SFRP1: variants seen among roughly 807,000 people sequenced by gnomAD.
SFRP1 encodes the protein secreted frizzled-related protein 1.
In SFRP1, 9 loss-of-function variants were observed where a neutral mutation model predicts 25.9. The ratio of observed to expected loss-of-function variants is 0.35; its 90% CI spans 0.21 to 0.61. The LOEUF is 0.61. Ranked by LOEUF, SFRP1 falls within the 20% of genes least tolerant of loss-of-function variation. The pLI, the probability that SFRP1 is intolerant of heterozygous loss-of-function variation, is 0.78. For missense variants in SFRP1, 346 were observed against 418.2 expected (o/e 0.83, Z 1.51); for synonymous variants, 178 against 174.0 (o/e 1.02, Z -0.18).
Position 41,280,852 on chromosome 8 carries a change from T to C in SFRP1, c.623-15363A>G, listed in dbSNP as rs186745193. Among the ~76,000 whole-genome samples, 57 of 152,274 alleles carry C rather than the reference T, an allele frequency of 3.7e-4. No individual in the cohort carries two copies. The East Asian group carries it at 0.011, about 28-fold the overall frequency. ...GCAGGAACGGGTGCTCGGCCCACATTCTGGAGCGCCTGCCCCAACTCCCAG... is the reference window on the plus strand; with the variant it reads ...GCAGGAACGGGTGCTCGGCCCACATCCTGGAGCGCCTGCCCCAACTCCCAG... On this transcript the variant is annotated intron_variant, in intron 2 of 2. Transcript: ENST00000220772.
At chr8:41,306,484 C>A (rs953437917) in intron 1 of SFRP1, among the ~76,000 whole-genome samples, 1 of 137,134 alleles carries the variant, frequency 7.3e-6, no homozygotes, top group Non-Finnish European at 1.5e-5. Flanking sequence ...CACACCTACA[C>A]ACACACACAC....
intron 2 of SFRP1, among the ~76,000 whole-genome samples, chr8:41,298,812 A>T (rs532308215): frequency 1.3e-4 from 20 of 152,320 alleles, no homozygotes; most frequent in South Asian, 4.1e-4. Context: ...CATTAAAAAA[A>T]TTTTAAGTGG....
chr8:41,306,136 A>G (rs999528129), intron 1 of SFRP1, among the ~76,000 whole-genome samples: 1 of 151,946 alleles, frequency 6.6e-6, no homozygotes, highest in Non-Finnish European at 1.5e-5. Flanking sequence ...CTTCCCTAAC[A>G]GGAGCTTCTA....
intron 2 of SFRP1, among the ~76,000 whole-genome samples, chr8:41,292,720 C>T (rs1803793263): frequency 6.6e-6 from 1 of 152,200 alleles, no homozygotes. Flanking sequence ...AGATGTGGTA[C>T]AGACTAAGCA....
chr8:41,288,002 G>A (rs1261608018), intron 2 of SFRP1, among the ~76,000 whole-genome samples: 1 of 152,064 alleles, frequency 6.6e-6, no homozygotes, highest in East Asian at 1.9e-4. Context: ...AGGATAACTT[G>A]AGGCCAGGAG....
At position 41,264,206 on chromosome 8, in the gene SFRP1, T is replaced by C. The variant is rs1468135439; in HGVS notation, c.*961A>G. 2 of 152,266 alleles carry C rather than the reference T, an allele frequency of 1.3e-5. No individual in the cohort carries two copies. Among genetic ancestry groups the C allele is most frequent in the African/African-American group, 4.8e-5 (2 of 41,472 alleles). The allele number at this position is 152,266 out of a possible 1,614,324, so 9.4% of individuals were successfully genotyped here. A position where few individuals can be genotyped will look rare whatever the true frequency, so the allele number is the denominator to read the frequency against. On this transcript the variant is annotated 3_prime_UTR_variant, in exon 3 of 3. Transcript: ENST00000220772. ...AAAAATAAGTGGGTGTTTGTCATTG[T>C]TCTTTTAAAAATGTGAAAAGGAAAA...
chr8:41,299,502 A>T (rs1398170155), intron 2 of SFRP1, among the ~76,000 whole-genome samples: 9 of 51,352 alleles, frequency 1.8e-4, no homozygotes, highest in African/African-American at 6.0e-4. Context: ...TCCTTTATAA[A>T]AAAAAAAAAA....
intron 2 of SFRP1, among the ~76,000 whole-genome samples, chr8:41,296,531 G>A (rs2117511593): frequency 6.6e-6 from 1 of 152,102 alleles, no homozygotes; most frequent in East Asian, 1.9e-4. Context: ...ACAGATTGGG[G>A]CTTCCAGCAC....
chr8:41,272,498 A>G lies in SFRP1; in HGVS notation c.623-7009T>C, dbSNP rs1213608610. Among the ~76,000 whole-genome samples, 3 of 152,294 alleles carry G rather than the reference A, an allele frequency of 2.0e-5. No individual in the cohort carries two copies. The East Asian group carries it at 5.8e-4, about 29-fold the overall frequency. ...GTGGCATGTGCCTATAATTCCTGCTAATTGGGAGGGTGAGGTAGGAGAATT... is the reference window on the plus strand; with the variant it reads ...GTGGCATGTGCCTATAATTCCTGCTGATTGGGAGGGTGAGGTAGGAGAATT... On this transcript the variant is annotated intron_variant, in intron 2 of 2. Transcript: ENST00000220772.
Position 41,309,026 on chromosome 8 carries a change from G to T in SFRP1, c.134C>A (p.Pro45Gln). The stretch of plus-strand genomic sequence containing the variant: ...GGTGTAGAAGCGCCCGCTCTGGTAC[G>T]GGCCGATGTCCGACTGGAAGCTCAC... ...DYVSFQSDIG[P>Q]YQSGRFYTKP... Residue 45 changes from proline to glutamine, a missense_variant, in exon 1 of 3, where the codon CCG becomes CAG. Transcript: ENST00000220772. 1.9e-6 allele frequency: 3 copies of T among 1,610,046 alleles called. No individual in the cohort carries two copies. Among genetic ancestry groups the T allele is most frequent in the South Asian group, 2.2e-5 (2 of 91,064 alleles).
At position 41,301,925 on chromosome 8, in the gene SFRP1, G is replaced by A. The variant is rs1382135604; in HGVS notation, c.622+1536C>T. On this transcript the variant is annotated intron_variant, in intron 2 of 2. Coordinates refer to ENST00000220772, the MANE Select transcript of SFRP1 (RefSeq NM_003012.5). ...TCCATCCCAGATGAGTTACCTGAGT[G>A]CCCTCTAGACCCCTGCCCTACACCT... Among the ~76,000 whole-genome samples, 3 of 152,198 alleles carry A rather than the reference G, an allele frequency of 2.0e-5. No homozygotes were observed. In the East Asian group the frequency reaches 5.8e-4, roughly 29 times the overall value.
At chr8:41,308,177 C>G (rs960794225) in intron 1 of SFRP1, among the ~76,000 whole-genome samples, 1 of 152,232 alleles carries the variant, frequency 6.6e-6, no homozygotes, top group African/African-American at 2.4e-5. Flanking sequence ...TCTGAACTTT[C>G]TACGCTTTGG....
chr8:41,266,608 T>C (rs936031901), intron 2 of SFRP1, among the ~76,000 whole-genome samples: 1 of 151,846 alleles, frequency 6.6e-6, no homozygotes, highest in African/African-American at 2.4e-5. Context: ...GCTGATTTTT[T>C]TTTTTTTTTA....
intron 2 of SFRP1, among the ~76,000 whole-genome samples, chr8:41,284,331 G>A (rs1585512285): frequency 6.6e-6 from 1 of 151,656 alleles, no homozygotes; most frequent in African/African-American, 2.4e-5. Flanking sequence ...GACACACCAG[G>A]GCCCGGCCAA....
At chr8:41,307,087 C>CTTCCTCAGCCAGCGGGGATTA in intron 1 of SFRP1, 1 of 1,286,444 alleles carries the variant, frequency 7.8e-7, no homozygotes, top group Non-Finnish European at 1.0e-6. Context: ...GGCTAATCCC[C>CTTCCTCAGCCAGCGGGGATTA]GCTGGCTGAG....
rs546802453 is a variant in SFRP1 at position 41,264,849 on chromosome 8, T to C, written c.*318A>G. The stretch of plus-strand genomic sequence containing the variant: ...CTCACTTTCCGCCCAATCCCCCTTT[T>C]TGTGTTTTAGTGGCTGTGTTGCTGT... On this transcript the variant is annotated 3_prime_UTR_variant, in exon 3 of 3. Transcript: ENST00000220772. 3.4e-4 allele frequency: 94 copies of C among 277,724 alleles called. 1 individual carries two copies. The South Asian group carries it at 8.9e-3, about 26-fold the overall frequency. 17.2% of individuals were successfully genotyped at this position (277,724 alleles called of 1,614,324 possible).
intron 2 of SFRP1, among the ~76,000 whole-genome samples, chr8:41,296,764 G>T (rs1356604605): frequency 6.6e-6 from 1 of 152,126 alleles, no homozygotes; most frequent in Admixed American, 6.5e-5. Context: ...CATAGGCCCT[G>T]CTAAATTAAA....
In SFRP1 at chr8:41,308,916, G is replaced by A. The variant is rs76486417; in HGVS notation, c.244C>T (p.Leu82=). The A allele has an allele frequency of 3.2e-4, 509 of 1,612,952 alleles. 1 individual carries two copies. The African/African-American group carries it at 5.9e-3, about 19-fold the overall frequency. ...ACCTCCGCCATGGTCTCGTGCTCCA[G>A]CAGGTTGGGCAGCACCATCTTCTTG... is the stretch of plus-strand genomic sequence containing the variant. ...GYKKMVLPNL[L]EHETMAEVKQ... is the part of the protein sequence containing the mutation. Residue 82 remains leucine, a synonymous_variant, in exon 1 of 3, where the codon CTG becomes TTG. Coordinates refer to ENST00000220772, the MANE Select transcript of SFRP1 (RefSeq NM_003012.5).
rs928172752 is a variant in SFRP1 at position 41,263,244 on chromosome 8, T to C, written c.*1923A>G. 3.3e-5 allele frequency: 5 copies of C among 152,610 alleles called. No individual in the cohort carries two copies. The highest frequency in any genetic ancestry group is 1.2e-4 in the African/African-American group (5 of 41,442). The allele number at this position is 152,610 out of a possible 1,614,324, so 9.5% of individuals were successfully genotyped here. On this transcript the variant is annotated 3_prime_UTR_variant, in exon 3 of 3. Transcript: ENST00000220772. ...GAATTTCAGTTTGACAACAGAGAAG[T>C]AGAATATTTCTAATTAGCTAATATA...
Sources: allele counts gnomAD v4.1 joint callset (sites outside exome capture counted in the v4.1 genomes callset), GRCh38; gene constraint gnomAD v4.1.1; transcripts MANE v1.5; gene names NCBI Gene and HGNC (gene_info 2026-07-23, HGNC 2026-07-21).